The following MACF1 variants were observed in gnomAD, a reference collection of about 807,000 sequenced individuals.
MACF1 encodes the protein microtubule actin crosslinking factor 1.
Under a neutral mutation model 854.8 loss-of-function variants are expected in MACF1, and 193 were observed. The observed-to-expected ratio is 0.23, with a 90% CI of 0.20 to 0.25. The LOEUF is 0.25. Ranked by LOEUF, MACF1 falls within the 10% of genes least tolerant of loss-of-function variation. MACF1 has a pLI of 1.00. For synonymous variants in MACF1, 3,185 were observed against 3,226.7 expected, an observed-to-expected ratio of 0.99 and a Z score of 0.44; for missense variants, 7,722 against 8,929.1, an observed-to-expected ratio of 0.86 and a Z score of 5.45.
chr1:39,088,083 C>T (rs1028863965), intron 2 of MACF1, among the ~76,000 whole-genome samples: 2 of 152,194 alleles, frequency 1.3e-5, no homozygotes, highest in African/African-American at 4.8e-5. Context: ...CGCCATTCTC[C>T]TGCCTCAGCC....
chr1:39,253,467 A>G (rs1229900165), intron 4 of MACF1, among the ~76,000 whole-genome samples: 1 of 144,940 alleles, frequency 6.9e-6, no homozygotes, highest in African/African-American at 2.5e-5. Flanking sequence ...TCTTGAGCAT[A>G]TGTAACTTCT....
At chr1:39,202,690 G>A (rs767901168), upstream of MACF1, among the ~76,000 whole-genome samples, 5 of 150,774 alleles carry the variant, frequency 3.3e-5, no homozygotes, top group Admixed American at 6.6e-5. Flanking sequence ...TCTCCTCTTC[G>A]TCTCCTTTAG....
intron 2 of MACF1, among the ~76,000 whole-genome samples, chr1:39,182,012 G>A (rs946532232): frequency 6.6e-6 from 1 of 152,038 alleles, no homozygotes; most frequent in Admixed American, 6.6e-5. Flanking sequence ...TTAGCTGGAT[G>A]TGGTGGCGGG....
chr1:39,216,568 G>A (rs1644579080), intron 1 of MACF1, among the ~76,000 whole-genome samples: 1 of 152,170 alleles, frequency 6.6e-6, no homozygotes, highest in East Asian at 1.9e-4. Flanking sequence ...GTTCTGATCA[G>A]TCTCCTGACT....
rs774399403 is a variant in MACF1 at position 39,440,111 on chromosome 1, C to CTTTTTTTTTTTTTTTTTTTTTTTTTTTTT, written c.18447+629_18447+630insTTTTTTTTTTTTTTTTTTTTTTTTTTTTT. Among the ~76,000 whole-genome samples the CTTTTTTTTTTTTTTTTTTTTTTTTTTTTT allele has an allele frequency of 1.1e-4, 7 of 64,564 alleles. 1 individual carries two copies. Among genetic ancestry groups the CTTTTTTTTTTTTTTTTTTTTTTTTTTTTT allele is most frequent in the African/African-American group, 4.0e-4 (6 of 14,878 alleles). The allele number at this position is 64,564 out of a possible 152,430, so 42.4% of individuals were successfully genotyped here. On this transcript the variant is annotated intron_variant, in intron 72 of 100. Transcript: ENST00000564288. Reference sequence around the variant, plus strand: ...CTTTTCTTTTCTTTTCTTTTCTTTTCTTTTTTTTTTTTTTTTTTGGAGACA... The same window carrying CTTTTTTTTTTTTTTTTTTTTTTTTTTTTT: ...CTTTTCTTTTCTTTTCTTTTCTTTTCTTTTTTTTTTTTTTTTTTTTTTTTTTTTTTTTTTTTTTTTTTTTTTTGGAGACA...
chr1:39,433,116 C>A lies in MACF1; in HGVS notation c.17526C>A (p.Ile5842=). The A allele has an allele frequency of 6.2e-7, 1 of 1,612,306 alleles. No individual in the cohort carries two copies. Among genetic ancestry groups the A allele is most frequent in the South Asian group, 1.1e-5 (1 of 90,864 alleles). ...MDELFSHRSE[I]FGTCGEEQKT... is the part of the protein sequence containing the mutation. ...AACTCTTCAGTCACCGTAGTGAAAT[C>A]TTTGGCACATGTGGGGAGGAGCAAA... The change falls in exon 68 of 101, where the codon ATC becomes ATA. Residue 5842 remains isoleucine, a synonymous_variant. Transcript: ENST00000564288.
chr1:39,439,637 C>T, intron 72 of MACF1, 137 bp downstream of exon 72: 1 of 669,250 alleles, frequency 1.5e-6, no homozygotes, highest in Non-Finnish European at 2.5e-6. Flanking sequence ...TTGTTTTTTG[C>T]TCTTGTCCCC....
At chr1:39,104,576 C>A (rs1642171290) in intron 2 of MACF1, among the ~76,000 whole-genome samples, 1 of 152,126 alleles carries the variant, frequency 6.6e-6, no homozygotes, top group South Asian at 2.1e-4. Context: ...TTTAATAATT[C>A]TGGAGGGTCT....
At chr1:39,121,976 A>G (rs991141399) in intron 2 of MACF1, among the ~76,000 whole-genome samples, 2 of 152,208 alleles carry the variant, frequency 1.3e-5, no homozygotes, top group Non-Finnish European at 2.9e-5. Flanking sequence ...TTGCTTTAAG[A>G]TTCCCAGATC....
At position 39,317,114 on chromosome 1, in the gene MACF1, G is replaced by A. The variant is rs570904269; in HGVS notation, c.3589-100G>A. The A allele has an allele frequency of 8.4e-6, 10 of 1,196,156 alleles. 1 individual carries two copies. The South Asian group carries it at 1.1e-4, about 13-fold the overall frequency. 74.1% of individuals were successfully genotyped at this position (1,196,156 alleles called of 1,614,324 possible). On this transcript the variant is annotated intron_variant, in intron 28 of 100. Coordinates refer to ENST00000564288, the MANE Select transcript of MACF1 (RefSeq NM_001394062.1). ...TCCAGGGCACAATCACATATACAAT[G>A]TGGAAATAGCTGTAGACCGTGTCCT...
intron 40 of MACF1, among the ~76,000 whole-genome samples, chr1:39,342,276 C>T (rs1038818190): frequency 6.6e-6 from 1 of 152,078 alleles, no homozygotes; most frequent in Non-Finnish European, 1.5e-5. Flanking sequence ...GTGGTGTCCA[C>T]ATTTTCTTTA....
intron 88 of MACF1, among the ~76,000 whole-genome samples, chr1:39,454,682 C>T (rs1644402438): frequency 6.6e-6 from 1 of 152,088 alleles, no homozygotes; most frequent in Admixed American, 6.6e-5. Flanking sequence ...AGTCTGTAAT[C>T]CCAGTTACTT....
chr1:39,300,496 C>G, intron 22 of MACF1, 134 bp downstream of exon 22: 1 of 832,368 alleles, frequency 1.2e-6, no homozygotes, highest in Non-Finnish European at 1.7e-6. Context: ...GCTGAAGTCT[C>G]TCCTATCATT....
Position 39,396,023 on chromosome 1 carries a change from A to T in MACF1, c.15816+7365A>T, listed in dbSNP as rs1019607725. ...AGATTTTACAAAAATCTGTCTGGAAATTTGATAGCAAGGTGAGATTTTAAA... is the reference window on the plus strand; with the variant it reads ...AGATTTTACAAAAATCTGTCTGGAATTTTGATAGCAAGGTGAGATTTTAAA... On this transcript the variant is annotated intron_variant, in intron 58 of 100. Coordinates refer to ENST00000564288, the MANE Select transcript of MACF1 (RefSeq NM_001394062.1). 2.6e-4 allele frequency among the ~76,000 whole-genome samples: 40 copies of T among 152,334 alleles called. 1 individual carries two copies. Among genetic ancestry groups the T allele is most frequent in the Middle Eastern group, 6.8e-3 (2 of 294 alleles).
intron 21 of MACF1, among the ~76,000 whole-genome samples, chr1:39,298,126 C>T (rs1178777023): frequency 1.3e-5 from 2 of 149,696 alleles, no homozygotes; most frequent in African/African-American, 4.9e-5. Context: ...CTTTTTTACT[C>T]TCTTATGCAA....
At chr1:39,087,789 T>C (rs536814002) in intron 2 of MACF1, among the ~76,000 whole-genome samples, 1 of 152,280 alleles carries the variant, frequency 6.6e-6, no homozygotes, top group African/African-American at 2.4e-5. Flanking sequence ...CTTTTTTTTT[T>C]TGAGACAGAG....
At chr1:39,168,119 AAGCCCGTTT>A (rs1245295780) in intron 2 of MACF1, among the ~76,000 whole-genome samples, 2 of 152,116 alleles carry the variant, frequency 1.3e-5, no homozygotes, top group Non-Finnish European at 2.9e-5. Flanking sequence ...AGGAGAGAAG[AAGCCCGTTT>A]AGCTCTGGAC....
chr1:39,207,290 T>C (rs1163995371), intron 1 of MACF1, among the ~76,000 whole-genome samples: 1 of 151,920 alleles, frequency 6.6e-6, no homozygotes, highest in East Asian at 1.9e-4. Flanking sequence ...TTCTTTTTTT[T>C]TTTTGGAGAC....
intron 2 of MACF1, chr1:39,103,295 C>A: frequency 1.6e-5 from 5 of 305,336 alleles, no homozygotes; most frequent in South Asian, 1.2e-4. Context: ...CACAAAGTGG[C>A]GCGTGTAGCA....
Sources: gnomAD v4.1 joint callset for allele counts (sites outside exome capture counted in the v4.1 genomes callset) on GRCh38, gnomAD v4.1.1 for gene constraint, MANE v1.5 for transcripts, NCBI Gene and HGNC (gene_info 2026-07-23, HGNC 2026-07-21) for gene names.